LRRN2: variants seen among roughly 807,000 people sequenced by gnomAD.
LRRN2 encodes leucine rich repeat neuronal 2.
Under a neutral mutation model 35.7 loss-of-function variants are expected in LRRN2, and 10 were observed. The ratio of observed to expected loss-of-function variants is 0.28; its 90% CI spans 0.17 to 0.47. LRRN2 has a LOEUF of 0.47. LRRN2 is among the 20% of genes least tolerant of loss of function. The probability of loss-of-function intolerance (pLI) is 0.99; values close to 1 mark genes in which losing one functional copy is unlikely to be tolerated. For missense variants in LRRN2, 731 were observed against 940.3 expected (o/e 0.78, Z 2.91); for synonymous variants, 391 against 409.6 (o/e 0.95, Z 0.55).
chr1:204,626,935 GCTTTTTCTTTTTT>G (rs1667423816), intron 1 of LRRN2: 1 of 149,922 alleles, frequency 6.7e-6, no homozygotes, highest in Admixed American at 6.6e-5. Flanking sequence ...ATGATACAAG[GCTTTTTCTTTTTT>G]CTTTTTCTTT....
intron 1 of LRRN2, among the ~76,000 whole-genome samples, chr1:204,625,417 A>G (rs1175645004): frequency 6.6e-6 from 1 of 152,212 alleles, no homozygotes; most frequent in East Asian, 1.9e-4. Context: ...ACTAATACTA[A>G]TACCTAATAC....
chr1:204,618,210 C>T lies in LRRN2; in HGVS notation c.1783G>A (p.Ala595Thr). ...TRLLQATEYWACLQVAFADAH... is the reference protein window; with the variant it reads ...TRLLQATEYWTCLQVAFADAH... ...TCAGCAAAGGCCACTTGCAGGCAGG[C>T]CCAGTACTCCGTGGCCTGAAGGAGG... Residue 595 changes from alanine (A) to threonine (T), a missense_variant, in exon 2 of 2, where the codon GCC becomes ACC. By Grantham distance (58) the Ala-to-Thr change is moderately conservative. Coordinates refer to ENST00000367177, the MANE Select transcript of LRRN2 (RefSeq NM_201630.2). 6.2e-7 allele frequency: 1 copy of T among 1,614,070 alleles called. No individual in the cohort carries two copies. The highest frequency in any genetic ancestry group is 8.5e-7 in the Non-Finnish European group (1 of 1,179,994).
intron 1 of LRRN2, among the ~76,000 whole-genome samples, chr1:204,658,586 G>A (rs1472247664): frequency 6.6e-6 from 1 of 152,182 alleles, no homozygotes; most frequent in Admixed American, 6.5e-5. Flanking sequence ...GTGACATGGG[G>A]TGAGGAAGGG....
chr1:204,677,858 G>T (rs1020100642), intron 1 of LRRN2, among the ~76,000 whole-genome samples: 1 of 152,156 alleles, frequency 6.6e-6, no homozygotes, highest in African/African-American at 2.4e-5. Context: ...AGTACAGGGG[G>T]CATTGGAAAC....
chr1:204,656,070 C>T (rs578170548), intron 1 of LRRN2, among the ~76,000 whole-genome samples: 58 of 138,262 alleles, frequency 4.2e-4, no homozygotes, highest in African/African-American at 1.4e-3. Flanking sequence ...CCACCACGCC[C>T]GGCTAATTTT....
intron 1 of LRRN2, among the ~76,000 whole-genome samples, chr1:204,642,507 G>A (rs1387309468): frequency 7.4e-6 from 1 of 135,254 alleles, no homozygotes; most frequent in African/African-American, 2.5e-5. Context: ...GGTTCATCCT[G>A]TGCCCAGGAG....
intron 1 of LRRN2, among the ~76,000 whole-genome samples, chr1:204,678,017 A>C (rs1195391626): frequency 1.3e-5 from 2 of 152,146 alleles, no homozygotes; most frequent in Non-Finnish European, 2.9e-5. Flanking sequence ...TCTCCGTGCG[A>C]GAATCCTTCC....
intron 1 of LRRN2, among the ~76,000 whole-genome samples, chr1:204,641,591 G>A (rs1300124650): frequency 2.6e-5 from 4 of 152,142 alleles, no homozygotes; most frequent in Admixed American, 6.5e-5. Context: ...ACAACCCTAC[G>A]AGAGTAGTAT....
intron 1 of LRRN2, among the ~76,000 whole-genome samples, chr1:204,684,684 C>T (rs1035478898): frequency 1.3e-5 from 2 of 152,150 alleles, no homozygotes; most frequent in African/African-American, 4.8e-5. Context: ...CTGACCGAGT[C>T]CCCAGGCTGA....
intron 1 of LRRN2, among the ~76,000 whole-genome samples, chr1:204,654,805 C>T (rs959825970): frequency 6.6e-6 from 1 of 152,234 alleles, no homozygotes; most frequent in Non-Finnish European, 1.5e-5. Flanking sequence ...CCCAACTCCA[C>T]CCTCAATAAC....
At chr1:204,681,637 C>T (rs963059273) in intron 1 of LRRN2, among the ~76,000 whole-genome samples, 1 of 152,130 alleles carries the variant, frequency 6.6e-6, no homozygotes, top group Non-Finnish European at 1.5e-5. Context: ...GTCCCCTGCA[C>T]CTAGCACAGA....
At chr1:204,648,847 C>T (rs1368572649) in intron 1 of LRRN2, among the ~76,000 whole-genome samples, 1 of 152,188 alleles carries the variant, frequency 6.6e-6, no homozygotes, top group African/African-American at 2.4e-5. Flanking sequence ...TTACAGCTAA[C>T]TGAGATTACC....
At chr1:204,683,268 C>T (rs1463087559) in intron 1 of LRRN2, among the ~76,000 whole-genome samples, 2 of 152,130 alleles carry the variant, frequency 1.3e-5, no homozygotes, top group Non-Finnish European at 2.9e-5. Flanking sequence ...AGCAGGAGTG[C>T]GTGCACGCCT....
chr1:204,643,865 C>T (rs1668039263), intron 1 of LRRN2, among the ~76,000 whole-genome samples: 1 of 152,184 alleles, frequency 6.6e-6, no homozygotes, highest in African/African-American at 2.4e-5. Flanking sequence ...ATGTGAAAGA[C>T]CTGAGTTCAA....
intron 1 of LRRN2, among the ~76,000 whole-genome samples, chr1:204,667,779 G>A (rs1171933070): frequency 6.6e-6 from 1 of 152,148 alleles, no homozygotes; most frequent in Non-Finnish European, 1.5e-5. Flanking sequence ...CAGAAGGAAC[G>A]GTCTGAGAAA....
intron 1 of LRRN2, among the ~76,000 whole-genome samples, chr1:204,662,807 C>G (rs1400205669): frequency 6.6e-6 from 1 of 152,184 alleles, no homozygotes; most frequent in Admixed American, 6.5e-5. Context: ...ATACTCCAGC[C>G]CTGTCATAAA....
intron 1 of LRRN2, among the ~76,000 whole-genome samples, chr1:204,648,191 G>A (rs1668150945): frequency 6.6e-6 from 1 of 152,142 alleles, no homozygotes; most frequent in South Asian, 2.1e-4. Flanking sequence ...GGCAGCATGT[G>A]TGGAAACAGA....
chr1:204,621,366 A>C (rs1666881660), intron 1 of LRRN2: 1 of 166,998 alleles, frequency 6.0e-6, no homozygotes, highest in Non-Finnish European at 1.5e-5. Context: ...GACAACTCCT[A>C]CTTGTTCTTC....
rs1398419890 is a variant in LRRN2 at position 204,682,151 on chromosome 1, A to G, written c.-227+3169T>C. On this transcript the variant is annotated intron_variant, in intron 1 of 1. Transcript: ENST00000367177. ...TAGATGGGCCATAGATCAAGCTTCT[A>G]TATCCTGACCCTGAGTCAATTCTAC... is the stretch of plus-strand genomic sequence containing the variant. 3.3e-5 allele frequency among the ~76,000 whole-genome samples: 5 copies of G among 152,182 alleles called. No individual in the cohort carries two copies. In the East Asian group the frequency reaches 9.6e-4, roughly 29 times the overall value.
Sources: allele counts gnomAD v4.1 joint callset (sites outside exome capture counted in the v4.1 genomes callset), GRCh38; gene constraint gnomAD v4.1.1; transcripts MANE v1.5; gene names NCBI Gene and HGNC (gene_info 2026-07-23, HGNC 2026-07-21).